Variants in GRIK3 observed in about 807,000 individuals in gnomAD.
GRIK3 encodes glutamate receptor ionotropic, kainate 3.
In GRIK3, 29 loss-of-function variants were observed where a neutral mutation model predicts 102.5. That is an observed-to-expected ratio of 0.28 (90% confidence interval 0.21 to 0.39). GRIK3 has a LOEUF of 0.39. GRIK3 is among the 10% of genes least tolerant of loss of function. The probability of loss-of-function intolerance (pLI) is 1.00; values close to 1 mark genes in which losing one functional copy is unlikely to be tolerated. For synonymous variants in GRIK3, 511 were observed against 504.9 expected (o/e 1.01, Z -0.16); for missense variants, 908 against 1,252.4 (o/e 0.73, Z 4.15).
chr1:37,029,895 T>C (rs965237663), intron 1 of GRIK3, among the ~76,000 whole-genome samples: 3 of 152,236 alleles, frequency 2.0e-5, no homozygotes, highest in Non-Finnish European at 4.4e-5. Context: ...AGGTCAGCCA[T>C]CCTGCCGGCT....
intron 1 of GRIK3, among the ~76,000 whole-genome samples, chr1:36,949,140 G>A (rs1641815124): frequency 6.6e-6 from 1 of 152,236 alleles, no homozygotes; most frequent in South Asian, 2.1e-4. Flanking sequence ...CCCAGGACCT[G>A]CCTGGCTCCA....
intron 1 of GRIK3, among the ~76,000 whole-genome samples, chr1:36,891,634 G>T (rs925380009): frequency 3.3e-5 from 5 of 152,112 alleles, no homozygotes; most frequent in Non-Finnish European, 5.9e-5. Context: ...GCTTAAATCA[G>T]CCTTTAATAT....
At position 36,908,329 on chromosome 1, in the gene GRIK3, G is replaced by A. The variant is rs955179346; in HGVS notation, c.116-17233C>T. On this transcript the variant is annotated intron_variant, in intron 1 of 15. Transcript: ENST00000373091. ...TTAGTGTTGCTGGAGATGGGGAAGGGGACGCTGGACCTCATTAACTGCTAA... is the reference window on the plus strand; with the variant it reads ...TTAGTGTTGCTGGAGATGGGGAAGGAGACGCTGGACCTCATTAACTGCTAA... Among the ~76,000 whole-genome samples, 3 of 152,294 alleles carry A rather than the reference G, an allele frequency of 2.0e-5. No individual in the cohort carries two copies. The East Asian group carries it at 5.8e-4, about 29-fold the overall frequency.
intron 9 of GRIK3, among the ~76,000 whole-genome samples, chr1:36,844,382 A>AG (rs1640496040): frequency 6.6e-6 from 1 of 152,232 alleles, no homozygotes; most frequent in Non-Finnish European, 1.5e-5. Flanking sequence ...CTGAGGCTGG[A>AG]GGAAGGAGGA....
intron 9 of GRIK3, among the ~76,000 whole-genome samples, chr1:36,845,618 C>A (rs1640511207): frequency 2.0e-5 from 3 of 152,216 alleles, no homozygotes; most frequent in Non-Finnish European, 4.4e-5. Flanking sequence ...AGCCCATAGC[C>A]ACACATGCAC....
intron 10 of GRIK3, among the ~76,000 whole-genome samples, chr1:36,830,193 A>C (rs567193219): frequency 5.9e-5 from 9 of 152,324 alleles, no homozygotes; most frequent in African/African-American, 2.2e-4. Flanking sequence ...CAGGTGGTCA[A>C]CATCCTCGTC....
Position 36,801,651 on chromosome 1 carries a change from A to T in GRIK3, c.*200T>A, listed in dbSNP as rs1480906449. On this transcript the variant is annotated 3_prime_UTR_variant, in exon 16 of 16. Transcript: ENST00000373091. The stretch of plus-strand genomic sequence containing the variant: ...TGGCAGCTTTAGAAACCCACAGAAG[A>T]TCTGAGGAGGATGAAGCCCAAGCAG... 4 of 472,680 alleles carry T rather than the reference A, an allele frequency of 8.5e-6. No homozygotes were observed. Among genetic ancestry groups the T allele is most frequent in the Non-Finnish European group, 1.1e-5 (3 of 270,548 alleles). 29.3% of individuals were successfully genotyped at this position (472,680 alleles called of 1,614,324 possible).
intron 3 of GRIK3, among the ~76,000 whole-genome samples, chr1:36,877,642 C>T (rs546444636): frequency 1.3e-5 from 2 of 152,314 alleles, no homozygotes; most frequent in African/African-American, 4.8e-5. Context: ...TACCTGAATC[C>T]TCTCCCCTAG....
chr1:36,863,112 C>T (rs1640744869), intron 5 of GRIK3, among the ~76,000 whole-genome samples: 1 of 152,162 alleles, frequency 6.6e-6, no homozygotes, highest in Admixed American at 6.5e-5. Context: ...TTATTATCAC[C>T]CCATTTTAGA....
chr1:36,932,171 T>C (rs566804694), intron 1 of GRIK3, among the ~76,000 whole-genome samples: 4 of 152,202 alleles, frequency 2.6e-5, no homozygotes, highest in African/African-American at 9.6e-5. Context: ...AATTCCGATG[T>C]TGACAATTTC....
At chr1:36,882,928 G>A (rs1416414927) in intron 2 of GRIK3, among the ~76,000 whole-genome samples, 3 of 152,212 alleles carry the variant, frequency 2.0e-5, no homozygotes, top group Admixed American at 6.5e-5. Flanking sequence ...AACCATCGGA[G>A]ATCCACCAAC....
chr1:37,004,133 T>C (rs995552732), intron 1 of GRIK3, among the ~76,000 whole-genome samples: 10 of 151,798 alleles, frequency 6.6e-5, no homozygotes, highest in African/African-American at 2.4e-4. Flanking sequence ...ACCCCACACA[T>C]CAGAGGGCAG....
At chr1:36,822,857 C>T (rs1021998091) in intron 11 of GRIK3, among the ~76,000 whole-genome samples, 11 of 152,174 alleles carry the variant, frequency 7.2e-5, no homozygotes, top group Non-Finnish European at 1.3e-4. Context: ...AAAGCACCCC[C>T]TGCTCCCTTC....
intron 1 of GRIK3, among the ~76,000 whole-genome samples, chr1:36,912,047 C>G (rs536108837): frequency 6.6e-6 from 1 of 152,278 alleles, no homozygotes; most frequent in East Asian, 1.9e-4. Context: ...AGCGTCCACT[C>G]TTCCAGGCAG....
intron 1 of GRIK3, among the ~76,000 whole-genome samples, chr1:36,975,288 G>GTTTTCTTTTTTTTTTTTTTTTTTTTTT (rs1642183334): frequency 8.8e-6 from 1 of 113,372 alleles, no homozygotes; most frequent in African/African-American, 3.8e-5. Context: ...TCTAAAGTTG[G>GTTTTCTTTTTTTTTTTTTTTTTTTTTT]TTTTTTTTTT....
intron 11 of GRIK3, among the ~76,000 whole-genome samples, chr1:36,820,650 T>C (rs1327310969): frequency 6.6e-6 from 1 of 152,112 alleles, no homozygotes; most frequent in Non-Finnish European, 1.5e-5. Flanking sequence ...TAAAAAACCT[T>C]AAAACGGAAA....
intron 13 of GRIK3, among the ~76,000 whole-genome samples, chr1:36,807,488 G>A (rs1642514288): frequency 2.0e-5 from 3 of 152,142 alleles, no homozygotes; most frequent in Admixed American, 6.5e-5. Context: ...ACTGGCACCC[G>A]GCCCAGCTCC....
chr1:37,021,640 C>A (rs1384989331), intron 1 of GRIK3, among the ~76,000 whole-genome samples: 1 of 152,150 alleles, frequency 6.6e-6, no homozygotes, highest in Non-Finnish European at 1.5e-5. Context: ...TTAAACTGGG[C>A]AGGAAAAATG....
At position 36,859,897 on chromosome 1, in the gene GRIK3, G is replaced by T. The variant is rs752217194; in HGVS notation, c.907C>A (p.Arg303=). Residue 303 remains arginine, a synonymous_variant, in exon 6 of 16, where the codon CGG becomes AGG. Coordinates refer to ENST00000373091, the MANE Select transcript of GRIK3 (RefSeq NM_000831.4). ...TCGGACCGGGGAGCTGCCTGCAGCCGCTCCATGGACCACTTCTCCACAATG... is the reference window on the plus strand; with the variant it reads ...TCGGACCGGGGAGCTGCCTGCAGCCTCTCCATGGACCACTTCTCCACAATG... ...SAIVEKWSME[R]LQAAPRSESG... 10 of 1,613,708 alleles carry T rather than the reference G, an allele frequency of 6.2e-6. No individual in the cohort carries two copies. In the African/African-American group the frequency reaches 6.7e-5, roughly 11 times the overall value.
Sources: allele counts gnomAD v4.1 joint callset (sites outside exome capture counted in the v4.1 genomes callset), GRCh38; gene constraint gnomAD v4.1.1; transcripts MANE v1.5; gene names NCBI Gene and HGNC (gene_info 2026-07-23, HGNC 2026-07-21).